The following KIRREL3 variants were observed in gnomAD, a reference collection of about 807,000 sequenced individuals.
KIRREL3 encodes the protein kin of IRRE-like protein 3.
KIRREL3 carries 36 observed loss-of-function variants against 89.7 expected under a neutral mutation model. The observed-to-expected ratio is 0.40, with a 90% CI of 0.31 to 0.53. The LOEUF (loss-of-function observed/expected upper bound fraction) is 0.53, where lower values mean the gene tolerates loss of function less well. Among genes scored for constraint, KIRREL3 ranks in the 20% least tolerant of loss-of-function variants. The probability of loss-of-function intolerance (pLI) is 0.49; values close to 1 mark genes in which losing one functional copy is unlikely to be tolerated. For missense variants in KIRREL3, 864 were observed against 1,056.6 expected, an observed-to-expected ratio of 0.82 and a Z score of 2.53; for synonymous variants, 445 against 441.4, an observed-to-expected ratio of 1.01 and a Z score of -0.10.
intron 1 of KIRREL3, among the ~76,000 whole-genome samples, chr11:126,852,342 A>G (rs568786964): frequency 6.6e-6 from 1 of 152,264 alleles, no homozygotes; most frequent in South Asian, 2.1e-4. Context: ...GTGAGCCACC[A>G]GCGCCCGGCC....
rs1415522806 is a variant in KIRREL3, at chr11:126,520,955, C to T, written c.433+360G>A. On this transcript the variant is annotated intron_variant, in intron 4 of 16. Coordinates refer to ENST00000525144, the MANE Select transcript of KIRREL3 (RefSeq NM_032531.4). The surrounding 1 kb of genome is among the most constrained non-coding windows in gnomAD (Gnocchi z 4.9). ...CAGTTCAGAAAGAAGGGACCCACAGCCTGTGCCACATTCTTCCTGGCACGG... is the reference window on the plus strand; with the variant it reads ...CAGTTCAGAAAGAAGGGACCCACAGTCTGTGCCACATTCTTCCTGGCACGG... 6.6e-6 allele frequency among the ~76,000 whole-genome samples: 1 copy of T among 152,136 alleles called. No individual in the cohort carries two copies. The highest frequency in any genetic ancestry group is 2.4e-5 in the African/African-American group (1 of 41,430).
At chr11:126,649,972 C>A (rs1323079047) in intron 1 of KIRREL3, among the ~76,000 whole-genome samples, 2 of 152,244 alleles carry the variant, frequency 1.3e-5, no homozygotes, top group Non-Finnish European at 2.9e-5. Flanking sequence ...GGTGGAGGTT[C>A]CCAAACCCCA....
In KIRREL3 at chr11:126,683,338, T is replaced by G. The variant is rs1291398053; in HGVS notation, c.56-120426A>C. Reference sequence around the variant, plus strand: ...ATATTAGAACGTGTGGATAGTCTGATGGTTTGCAAGTAAGTGGGATCGACC... The same window carrying G: ...ATATTAGAACGTGTGGATAGTCTGAGGGTTTGCAAGTAAGTGGGATCGACC... On this transcript the variant is annotated intron_variant, in intron 1 of 16. Transcript: ENST00000525144. The surrounding 1 kb of genome is among the most constrained non-coding windows in gnomAD (Gnocchi z 5.2). Among the ~76,000 whole-genome samples, 1 of 152,108 alleles carries G rather than the reference T, an allele frequency of 6.6e-6. No homozygotes were observed. The highest frequency in any genetic ancestry group is 1.5e-5 in the Non-Finnish European group (1 of 68,016).
chr11:126,478,244 C>T (rs932885232), intron 4 of KIRREL3, among the ~76,000 whole-genome samples: 6 of 152,212 alleles, frequency 3.9e-5, no homozygotes, highest in African/African-American at 1.4e-4. Flanking sequence ...GCTTCAAGAG[C>T]CCTTCAGTGA....
chr11:126,761,779 T>C lies in KIRREL3; in HGVS notation c.56-198867A>G, dbSNP rs141939576. Reference sequence around the variant, plus strand: ...TATGAGCTGCACTAGTTTGTCTTGGTTTTATCTTCATTCCTATGAACTCTC... The same window carrying C: ...TATGAGCTGCACTAGTTTGTCTTGGCTTTATCTTCATTCCTATGAACTCTC... On this transcript the variant is annotated intron_variant, in intron 1 of 16. Coordinates refer to ENST00000525144, the MANE Select transcript of KIRREL3 (RefSeq NM_032531.4). The surrounding 1 kb of genome is among the most constrained non-coding windows in gnomAD (Gnocchi z 4.4). 6.6e-6 allele frequency among the ~76,000 whole-genome samples: 1 copy of C among 152,138 alleles called. No individual in the cohort carries two copies. The highest frequency in any genetic ancestry group is 1.5e-5 in the Non-Finnish European group (1 of 68,020).
intron 1 of KIRREL3, among the ~76,000 whole-genome samples, chr11:126,851,212 T>C (rs1187783763): frequency 6.6e-6 from 1 of 152,176 alleles, no homozygotes; most frequent in Admixed American, 6.5e-5. Context: ...GGTGACATAG[T>C]GAATGAAAGA....
chr11:126,910,608 A>T (rs1195231958), intron 1 of KIRREL3, among the ~76,000 whole-genome samples: 1 of 152,190 alleles, frequency 6.6e-6, no homozygotes, highest in African/African-American at 2.4e-5. Context: ...CCCACGAGGT[A>T]AATAATAGTG....
intron 1 of KIRREL3, among the ~76,000 whole-genome samples, chr11:126,992,155 G>T (rs1950050835): frequency 6.6e-6 from 1 of 152,166 alleles, no homozygotes; most frequent in South Asian, 2.1e-4. Context: ...AAATTTGCTG[G>T]CAAAGAGCAA....
intron 1 of KIRREL3, among the ~76,000 whole-genome samples, chr11:126,967,957 C>T (rs73016699): frequency 0.083 from 12,684 of 152,194 alleles, 688 homozygotes; most frequent in East Asian, 0.27. Flanking sequence ...AGTAAGAGGA[C>T]AAACAACAGA....
rs1944790281 is a variant in KIRREL3, at chr11:126,863,464, T to TGTGTGTGAGTGCGTGTGTAAGTGC, written c.55+136990_55+136991insGCACTTACACACGCACTCACACAC. 6.3e-4 allele frequency among the ~76,000 whole-genome samples: 4 copies of TGTGTGTGAGTGCGTGTGTAAGTGC among 6,324 alleles called. No individual in the cohort carries two copies. In the Admixed American group the frequency reaches 9.3e-3, roughly 15 times the overall value. 4.1% of individuals were successfully genotyped at this position (6,324 alleles called of 152,430 possible). A position where few individuals can be genotyped will look rare whatever the true frequency, so the allele number is the denominator to read the frequency against. On this transcript the variant is annotated intron_variant, in intron 1 of 16. Coordinates refer to ENST00000525144, the MANE Select transcript of KIRREL3 (RefSeq NM_032531.4). ...GTGTGAGTGTGTGTGTTTGAGTGCG[T>TGTGTGTGAGTGCGTGTGTAAGTGC]GTGTGTGTGAGTGCGTGTGTGAGTG... is the stretch of plus-strand genomic sequence containing the variant.
rs1957476799 is a variant in KIRREL3 at position 126,490,269 on chromosome 11, T to C, written c.434-16803A>G. On this transcript the variant is annotated intron_variant, in intron 4 of 16. Coordinates refer to ENST00000525144, the MANE Select transcript of KIRREL3 (RefSeq NM_032531.4). This position sits in a 1 kb window ranked among gnomAD's most constrained non-coding sequence, Gnocchi z 4.2. Reference sequence around the variant, plus strand: ...AGGCAAGGCAGCTTTACTTTCTGTGTATGTTTATTTTAGACTCCCATTAGC... The same window carrying C: ...AGGCAAGGCAGCTTTACTTTCTGTGCATGTTTATTTTAGACTCCCATTAGC... Among the ~76,000 whole-genome samples, 1 of 152,044 alleles carries C rather than the reference T, an allele frequency of 6.6e-6. No individual in the cohort carries two copies. Among genetic ancestry groups the C allele is most frequent in the Non-Finnish European group, 1.5e-5 (1 of 67,996 alleles).
chr11:126,706,312 C>A (rs1171683858), intron 1 of KIRREL3, among the ~76,000 whole-genome samples: 2 of 152,126 alleles, frequency 1.3e-5, no homozygotes, highest in Non-Finnish European at 2.9e-5. Flanking sequence ...ATACCATTTT[C>A]TTTTTAATTA....
chr11:126,635,046 C>T lies in KIRREL3; in HGVS notation c.56-72134G>A, dbSNP rs370372340. On this transcript the variant is annotated intron_variant, in intron 1 of 16. Transcript: ENST00000525144. The surrounding 1 kb of genome is among the most constrained non-coding windows in gnomAD (Gnocchi z 4.0). ...CTCTTCTTGCCCCTAAACTTCTCCT[C>T]GATCAGGAGTAATATAGTCTGAGAA... Among the ~76,000 whole-genome samples the T allele has an allele frequency of 2.5e-4, 38 of 152,320 alleles. No homozygotes were observed. The East Asian group carries it at 4.2e-3, about 17-fold the overall frequency.
chr11:126,559,490 A>G lies in KIRREL3; in HGVS notation c.133+3345T>C, dbSNP rs958211413. Among the ~76,000 whole-genome samples the G allele has an allele frequency of 2.6e-5, 4 of 152,176 alleles. No homozygotes were observed. In the South Asian group the frequency reaches 8.3e-4, roughly 32 times the overall value. ...ACATGAGGAAGCAGACCAATAAATA[A>G]TCACACATCATGATAGGTGCCACTC... On this transcript the variant is annotated intron_variant, in intron 2 of 16. Transcript: ENST00000525144.
At chr11:126,590,997 G>A (rs911808990) in intron 1 of KIRREL3, among the ~76,000 whole-genome samples, 1 of 152,318 alleles carries the variant, frequency 6.6e-6, no homozygotes, top group Admixed American at 6.5e-5. Flanking sequence ...CCGCTGAGGC[G>A]GGCAGATCAC....
intron 1 of KIRREL3, among the ~76,000 whole-genome samples, chr11:126,840,557 A>G (rs1039722215): frequency 1.3e-5 from 2 of 152,190 alleles, no homozygotes; most frequent in Admixed American, 6.5e-5. Context: ...TCACGCTCCG[A>G]TTTCAGTTCT....
intron 1 of KIRREL3, among the ~76,000 whole-genome samples, chr11:126,784,481 G>A (rs1592123871): frequency 6.6e-6 from 1 of 152,196 alleles, no homozygotes; most frequent in South Asian, 2.1e-4. Context: ...TTAGAGGCTA[G>A]TAGCCTGGGT....
At position 126,970,434 on chromosome 11, in the gene KIRREL3, C is replaced by T. The variant is rs1949398469; in HGVS notation, c.55+30021G>A. ...ATAGTTGTGCCAATAAACAGAAGAC[C>T]CTAGGTGTGTAGCGACATTAGACAA... is the stretch of plus-strand genomic sequence containing the variant. On this transcript the variant is annotated intron_variant, in intron 1 of 16. Coordinates refer to ENST00000525144, the MANE Select transcript of KIRREL3 (RefSeq NM_032531.4). The surrounding 1 kb of genome is among the most constrained non-coding windows in gnomAD (Gnocchi z 4.4). Among the ~76,000 whole-genome samples the T allele has an allele frequency of 6.6e-6, 1 of 152,028 alleles. No homozygotes were observed. Among genetic ancestry groups the T allele is most frequent in the Admixed American group, 6.6e-5 (1 of 15,258 alleles).
intron 1 of KIRREL3, among the ~76,000 whole-genome samples, chr11:126,726,957 A>C (rs1253875151): frequency 6.6e-6 from 1 of 152,216 alleles, no homozygotes; most frequent in Non-Finnish European, 1.5e-5. Context: ...CAGGGAGGTC[A>C]GCTGCTTCTT....
Sources: allele counts gnomAD v4.1 joint callset (sites outside exome capture counted in the v4.1 genomes callset), GRCh38; gene constraint gnomAD v4.1.1; non-coding constraint Gnocchi (gnomAD v3.1); transcripts MANE v1.5; gene names NCBI Gene and HGNC (gene_info 2026-07-23, HGNC 2026-07-21).